Variants in ANKRD18A observed in about 807,000 individuals in gnomAD.
ANKRD18A encodes the protein ankyrin repeat domain-containing protein 18A.
In ANKRD18A, 72 loss-of-function variants were observed where a neutral mutation model predicts 110.6. The observed-to-expected ratio is 0.65, with a 90% CI of 0.54 to 0.79. ANKRD18A has a LOEUF of 0.79. Ranked by LOEUF, ANKRD18A falls within the 30% of genes least tolerant of loss-of-function variation. The pLI, the probability that ANKRD18A is intolerant of heterozygous loss-of-function variation, is 0.00. For missense variants in ANKRD18A, 934 were observed against 1,163.3 expected, an observed-to-expected ratio of 0.80 and a Z score of 2.87; for synonymous variants, 305 against 410.3, an observed-to-expected ratio of 0.74 and a Z score of 3.10.
At chr9:38,616,528 C>T (rs1472687856) in intron 1 of ANKRD18A, among the ~76,000 whole-genome samples, 2 of 152,262 alleles carry the variant, frequency 1.3e-5, no homozygotes, top group Non-Finnish European at 2.9e-5. Flanking sequence ...TTATACCTCA[C>T]TGCAGCCTGG....
At position 38,577,197 on chromosome 9, in the gene ANKRD18A, T is replaced by G; in HGVS notation, c.2597A>C (p.Lys866Thr). The G allele has an allele frequency of 6.5e-7, 1 of 1,547,576 alleles. No individual in the cohort carries two copies. The highest frequency in any genetic ancestry group is 8.7e-7 in the Non-Finnish European group (1 of 1,146,184). ...TTCCACATCTTTAAGTGTGAGTTCCTTCTTTTTTAGTGAAGCCGTATTATC... is the reference window on the plus strand; with the variant it reads ...TTCCACATCTTTAAGTGTGAGTTCCGTCTTTTTTAGTGAAGCCGTATTATC... ...NKDNTASLKK[K>T]ELTLKDVECK... is the part of the protein sequence containing the mutation. The change falls in exon 14 of 16, where the codon AAG (lysine) becomes ACG (threonine). Residue 866 changes from lysine (K) to threonine (T), a missense_variant. Physicochemically the swap from Lys to Thr is moderately conservative, Grantham distance 78 (BLOSUM62 -1). This residue lies in a region of ANKRD18A where 223 missense variants were observed against 226.7 expected (regional missense o/e 0.98). Coordinates refer to ENST00000399703, the MANE Select transcript of ANKRD18A (RefSeq NM_147195.4).
At chr9:38,572,364 TA>T (rs1292594710) in intron 15 of ANKRD18A, 1 of 222,562 alleles carries the variant, frequency 4.5e-6, no homozygotes, top group Admixed American at 5.9e-5. Flanking sequence ...TCATATGCTA[TA>T]ACCTAAAAGA....
chr9:38,620,233 G>A lies in ANKRD18A; in HGVS notation c.53C>T (p.Ser18Phe). ...GRRLGQALLS[S>F]MDQEYAGPGY... Reference sequence around the variant, plus strand: ...CGGACCCGCATACTCTTGGTCCATGGAGCTCAGGAGCGCCTGGCCCAGGCG... The same window carrying A: ...CGGACCCGCATACTCTTGGTCCATGAAGCTCAGGAGCGCCTGGCCCAGGCG... The change falls in exon 1 of 16, where the codon TCC (serine) becomes TTC (phenylalanine). Residue 18 changes from serine (S) to phenylalanine (F), a missense_variant. Transcript: ENST00000399703. 1.3e-6 allele frequency: 2 copies of A among 1,551,460 alleles called. No individual in the cohort carries two copies. Among genetic ancestry groups the A allele is most frequent in the Non-Finnish European group, 1.7e-6 (2 of 1,146,868 alleles).
At chr9:38,586,993 A>G (rs1824414810) in intron 11 of ANKRD18A, among the ~76,000 whole-genome samples, 1 of 152,250 alleles carries the variant, frequency 6.6e-6, no homozygotes. Context: ...TAAAACACAT[A>G]TATGTTTGAA....
rs535498452 is a variant in ANKRD18A, at chr9:38,615,546, G to A, written c.495+48C>T. On this transcript the variant is annotated intron_variant, in intron 3 of 15. Coordinates refer to ENST00000399703, the MANE Select transcript of ANKRD18A (RefSeq NM_147195.4). Reference sequence around the variant, plus strand: ...ATATGAAAAATTGACTCTTAACTATGTCAATATTAAAACAAACATTTTGAA... The same window carrying A: ...ATATGAAAAATTGACTCTTAACTATATCAATATTAAAACAAACATTTTGAA... 2.0e-5 allele frequency: 30 copies of A among 1,505,120 alleles called. No individual in the cohort carries two copies. In the South Asian group the frequency reaches 3.4e-4, roughly 17 times the overall value. The allele number at this position is 1,505,120 out of a possible 1,614,324, so 93.2% of individuals were successfully genotyped here.
At chr9:38,576,777 A>T (rs1435803776) in intron 14 of ANKRD18A, among the ~76,000 whole-genome samples, 1 of 152,222 alleles carries the variant, frequency 6.6e-6, no homozygotes, top group Non-Finnish European at 1.5e-5. Context: ...AGCTTCAAAA[A>T]TACTTAGTGA....
chr9:38,613,583 T>C (rs1396714037), intron 3 of ANKRD18A, among the ~76,000 whole-genome samples: 2 of 152,248 alleles, frequency 1.3e-5, no homozygotes, highest in South Asian at 2.1e-4. Context: ...TATGTGCATA[T>C]AATTTTCCCA....
rs115382662 is a variant in ANKRD18A at position 38,571,658 on chromosome 9, C to T, written c.*387G>A. ...TAAAAACTGTAAAATGCAAAGAAGC[C>T]CTCGATGACCTTTACTAAAGTATCA... On this transcript the variant is annotated 3_prime_UTR_variant, in exon 16 of 16. Transcript: ENST00000399703. The T allele has an allele frequency of 1.5e-3, 1,530 of 1,014,838 alleles. 22 individuals are homozygous for T. In the African/African-American group the frequency reaches 0.024, roughly 16 times the overall value. 62.9% of individuals were successfully genotyped at this position (1,014,838 alleles called of 1,614,324 possible).
Position 38,615,931 on chromosome 9 carries a change from T to A in ANKRD18A, c.320A>T (p.Lys107Met). Residue 107 changes from lysine to methionine, a missense_variant and splice_region_variant, in exon 2 of 16, where the codon AAG becomes ATG. Physicochemically the swap from Lys to Met is moderately conservative, Grantham distance 95. Around this residue, in one of 4 missense-constraint regions of ANKRD18A, gnomAD observed 630 missense variants for 797.5 expected, o/e 0.79. Coordinates refer to ENST00000399703, the MANE Select transcript of ANKRD18A (RefSeq NM_147195.4). ...CDRLNRTPLM[K>M]AVHSQEEACA... ...CTGAAAGAGTTGGCTACTATATACC[T>A]TCATTAAAGGTGTCCTGTTTAGTCT... The A allele has an allele frequency of 5.1e-6, 8 of 1,559,950 alleles. No homozygotes were observed. The highest frequency in any genetic ancestry group is 6.9e-6 in the Non-Finnish European group (8 of 1,152,322).
intron 8 of ANKRD18A, among the ~76,000 whole-genome samples, chr9:38,598,706 T>C (rs1209734237): frequency 6.6e-6 from 1 of 152,232 alleles, no homozygotes; most frequent in Non-Finnish European, 1.5e-5. Flanking sequence ...TTATAGATAT[T>C]AGCAGTGGGA....
At chr9:38,607,051 T>C (rs992006138) in intron 6 of ANKRD18A, among the ~76,000 whole-genome samples, 1 of 152,138 alleles carries the variant, frequency 6.6e-6, no homozygotes, top group South Asian at 2.1e-4. Context: ...TAAAAATATG[T>C]AATCTCACTT....
At position 38,577,188 on chromosome 9, in the gene ANKRD18A, G is replaced by A. The variant is rs1823932617; in HGVS notation, c.2606C>T (p.Thr869Ile). The A allele has an allele frequency of 7.1e-6, 11 of 1,547,956 alleles. No individual in the cohort carries two copies. Among genetic ancestry groups the A allele is most frequent in the Non-Finnish European group, 9.6e-6 (11 of 1,146,260 alleles). Residue 869 changes from threonine to isoleucine, a missense_variant, in exon 14 of 16, where the codon ACA (threonine) becomes ATA (isoleucine). Physicochemically the swap from Thr to Ile is moderately conservative, Grantham distance 89. Around this residue, in one of 4 missense-constraint regions of ANKRD18A, gnomAD observed 223 missense variants for 226.7 expected, o/e 0.98. Coordinates refer to ENST00000399703, the MANE Select transcript of ANKRD18A (RefSeq NM_147195.4). Reference sequence around the variant, plus strand: ...GAATTTACATTCCACATCTTTAAGTGTGAGTTCCTTCTTTTTTAGTGAAGC... The same window carrying A: ...GAATTTACATTCCACATCTTTAAGTATGAGTTCCTTCTTTTTTAGTGAAGC... ...NTASLKKKEL[T>I]LKDVECKFSK...
chr9:38,597,300 T>C (rs1156443766), intron 8 of ANKRD18A, among the ~76,000 whole-genome samples: 4 of 152,144 alleles, frequency 2.6e-5, no homozygotes, highest in Non-Finnish European at 4.4e-5. Flanking sequence ...TTTCATTTGG[T>C]TCCTGGGATA....
At chr9:38,610,500 G>T (rs1467872209) in intron 4 of ANKRD18A, 90 bp from the exon 5 acceptor site, 5 of 1,466,658 alleles carry the variant, frequency 3.4e-6, no homozygotes, top group Admixed American at 2.5e-5. Context: ...TTCATATCTT[G>T]CCTGTCAGGA....
Position 38,571,519 on chromosome 9 carries a change from C to T in ANKRD18A, c.*526G>A, listed in dbSNP as rs918961236. On this transcript the variant is annotated 3_prime_UTR_variant, in exon 16 of 16. Coordinates refer to ENST00000399703, the MANE Select transcript of ANKRD18A (RefSeq NM_147195.4). Reference sequence around the variant, plus strand: ...GTTTTGAGGAGTAACCAGATATTTACAGAGCTTCAAAGTATCTCCACACAA... The same window carrying T: ...GTTTTGAGGAGTAACCAGATATTTATAGAGCTTCAAAGTATCTCCACACAA... 1.1e-6 allele frequency: 1 copy of T among 883,192 alleles called. No homozygotes were observed. The allele number at this position is 883,192 out of a possible 1,614,324, so 54.7% of individuals were successfully genotyped here.
downstream of ANKRD18A, among the ~76,000 whole-genome samples, chr9:38,570,561 G>A (rs552352652): frequency 3.9e-5 from 6 of 152,320 alleles, no homozygotes; most frequent in East Asian, 9.7e-4. Flanking sequence ...CACTGAGGCG[G>A]CCACCACTAA....
intron 12 of ANKRD18A, among the ~76,000 whole-genome samples, chr9:38,580,141 T>C (rs1209388018): frequency 6.6e-6 from 1 of 152,348 alleles, no homozygotes; most frequent in Admixed American, 6.5e-5. Flanking sequence ...ACATGGCTGA[T>C]GCCCGTAATT....
chr9:38,620,550 G>A lies in ANKRD18A; in HGVS notation c.-265C>T, dbSNP rs1378494157. ...CAGACCGAGTGAGCCCAGCTAAGCC[G>A]TTAGGCGCGCGCCTGAACCTCAGCG... On this transcript the variant is annotated 5_prime_UTR_variant, in exon 1 of 16. The change creates a new upstream start codon in the 5' untranslated region. Transcript: ENST00000399703. 1.6e-6 allele frequency: 2 copies of A among 1,267,346 alleles called. No homozygotes were observed. Among genetic ancestry groups the A allele is most frequent in the Non-Finnish European group, 1.0e-6 (1 of 989,174 alleles). The allele number at this position is 1,267,346 out of a possible 1,614,324, so 78.5% of individuals were successfully genotyped here. A position where few individuals can be genotyped will look rare whatever the true frequency, so the allele number is the denominator to read the frequency against.
intron 5 of ANKRD18A, among the ~76,000 whole-genome samples, chr9:38,608,024 G>T (rs180932947): frequency 6.6e-6 from 1 of 152,108 alleles, no homozygotes; most frequent in South Asian, 2.1e-4. Flanking sequence ...TCTAATATTC[G>T]AATGTCACAG....
Sources: allele counts gnomAD v4.1 joint callset (sites outside exome capture counted in the v4.1 genomes callset), GRCh38; gene constraint gnomAD v4.1.1; regional missense constraint gnomAD v4.1.1; transcripts MANE v1.5; gene names NCBI Gene and HGNC (gene_info 2026-07-23, HGNC 2026-07-21).